Variants in SDK1 observed in about 807,000 individuals in gnomAD.
SDK1 encodes sidekick cell adhesion molecule 1, also known as protein sidekick-1.
SDK1 carries 157 observed loss-of-function variants against 245.5 expected under a neutral mutation model. That is an observed-to-expected ratio of 0.64 (90% CI 0.56 to 0.73). The LOEUF (loss-of-function observed/expected upper bound fraction) is 0.73. SDK1 is among the 30% of genes least tolerant of loss of function. The pLI, the probability that SDK1 is intolerant of heterozygous loss-of-function variation, is 0.00. For synonymous variants in SDK1, 1,647 were observed against 1,278.5 expected (o/e 1.29, Z -6.15); for missense variants, 3,583 against 3,002.3 (o/e 1.19, Z -4.52).
chr7:3,709,560 G>A (rs537688805), intron 4 of SDK1, among the ~76,000 whole-genome samples: 2 of 152,266 alleles, frequency 1.3e-5, no homozygotes, highest in South Asian at 2.1e-4. Flanking sequence ...CTTTCAAAGG[G>A]TCTGTGGTTT....
intron 4 of SDK1, among the ~76,000 whole-genome samples, chr7:3,756,072 C>T (rs989715987): frequency 1.3e-5 from 2 of 150,676 alleles, no homozygotes; most frequent in East Asian, 3.9e-4. Flanking sequence ...AATCTGACTC[C>T]TTTCACATGG....
At chr7:3,439,166 A>C (rs1780120917) in intron 1 of SDK1, among the ~76,000 whole-genome samples, 1 of 152,044 alleles carries the variant, frequency 6.6e-6, no homozygotes, top group African/African-American at 2.4e-5. Context: ...CTTTCTATTA[A>C]TTATCCAACA....
At chr7:3,545,679 T>C (rs1779200560) in intron 1 of SDK1, among the ~76,000 whole-genome samples, 1 of 152,212 alleles carries the variant, frequency 6.6e-6, no homozygotes, top group Admixed American at 6.5e-5. Context: ...TCTGGCTGGT[T>C]CAGCATTTTA....
At chr7:4,066,397 T>G (rs540522490) in intron 19 of SDK1, among the ~76,000 whole-genome samples, 1 of 152,308 alleles carries the variant, frequency 6.6e-6, no homozygotes, top group Non-Finnish European at 1.5e-5. Context: ...GGTGCCTGAC[T>G]TAGGGAATGG....
chr7:4,073,517 A>G (rs1272343968), intron 20 of SDK1, among the ~76,000 whole-genome samples: 1 of 152,238 alleles, frequency 6.6e-6, no homozygotes, highest in Admixed American at 6.5e-5. Flanking sequence ...TCGACATGAC[A>G]AACATGACGC....
intron 1 of SDK1, among the ~76,000 whole-genome samples, chr7:3,352,275 A>G (rs1397180819): frequency 2.0e-5 from 3 of 150,598 alleles, no homozygotes; most frequent in Admixed American, 2.0e-4. Flanking sequence ...TTTTTTTTTG[A>G]TGTCCAAATA....
intron 1 of SDK1, among the ~76,000 whole-genome samples, chr7:3,585,966 C>G (rs1780675181): frequency 6.6e-6 from 1 of 152,164 alleles, no homozygotes; most frequent in Admixed American, 6.5e-5. Flanking sequence ...TTTGTTTCAG[C>G]AAAACACTAA....
chr7:4,214,137 A>T (rs1408668575), intron 38 of SDK1, among the ~76,000 whole-genome samples: 1 of 152,048 alleles, frequency 6.6e-6, no homozygotes, highest in African/African-American at 2.4e-5. Context: ...AATAATGACG[A>T]GGGTTGGGAT....
rs370517337 is a variant in SDK1 at position 4,241,767 on chromosome 7, G to T, written c.6131-26G>T. On this transcript the variant is annotated intron_variant, in intron 42 of 44. Coordinates refer to ENST00000404826, the MANE Select transcript of SDK1 (RefSeq NM_152744.4). The stretch of plus-strand genomic sequence containing the variant: ...CGGTGGCCACACCAGTAACACGTCT[G>T]TTCTCACTCTCCTGCTGGGCTTTAG... 4 of 1,613,758 alleles carry T rather than the reference G, an allele frequency of 2.5e-6. No homozygotes were observed. The African/African-American group carries it at 4.0e-5, about 16-fold the overall frequency.
intron 1 of SDK1, among the ~76,000 whole-genome samples, chr7:3,513,360 G>C (rs965715766): frequency 2.0e-4 from 30 of 152,136 alleles, no homozygotes; most frequent in Admixed American, 5.9e-4. Context: ...TTAAATTTCG[G>C]TTATTCTCAA....
At chr7:4,063,519 A>G (rs1224997423) in intron 19 of SDK1, among the ~76,000 whole-genome samples, 1 of 151,858 alleles carries the variant, frequency 6.6e-6, no homozygotes, top group African/African-American at 2.4e-5. Flanking sequence ...CATTATTAAA[A>G]TGACCATACT....
chr7:3,722,975 T>A (rs1446881030), intron 4 of SDK1, among the ~76,000 whole-genome samples: 1 of 152,230 alleles, frequency 6.6e-6, no homozygotes, highest in East Asian at 1.9e-4. Context: ...TGTTTTAAAC[T>A]TCACATTACT....
In SDK1 at chr7:4,077,006, A is replaced by G; in HGVS notation, c.3019A>G (p.Ile1007Val). ...EKNGIITGYQ[I>V]SWEVYGRNDS... ...GTCCTGTTGCTTTCTAGGCTATCAG[A>G]TCTCTTGGGAAGTGTACGGCAGGAA... The change falls in exon 21 of 45, where the codon ATC (isoleucine) becomes GTC (valine). Residue 1007 changes from isoleucine to valine, a missense_variant. Physicochemically the swap from Ile to Val is conservative, Grantham distance 29. Coordinates refer to ENST00000404826, the MANE Select transcript of SDK1 (RefSeq NM_152744.4). 1 of 1,613,964 alleles carries G rather than the reference A, an allele frequency of 6.2e-7. No individual in the cohort carries two copies. Among genetic ancestry groups the G allele is most frequent in the East Asian group, 2.2e-5 (1 of 44,864 alleles).
At chr7:3,429,950 C>T (rs1458234527) in intron 1 of SDK1, among the ~76,000 whole-genome samples, 1 of 152,174 alleles carries the variant, frequency 6.6e-6, no homozygotes, top group Non-Finnish European at 1.5e-5. Context: ...AAAGCCTATC[C>T]GTATGTGTCT....
chr7:3,444,720 C>A (rs956687614), intron 1 of SDK1, among the ~76,000 whole-genome samples: 1 of 152,268 alleles, frequency 6.6e-6, no homozygotes, highest in Middle Eastern at 3.4e-3. Context: ...TTTCAGTAGG[C>A]CAGTCCCCAG....
intron 5 of SDK1, among the ~76,000 whole-genome samples, chr7:3,909,257 G>C (rs2128108086): frequency 6.6e-6 from 1 of 152,208 alleles, no homozygotes; most frequent in East Asian, 1.9e-4. Context: ...GTTCAGCTCT[G>C]CTCTCCAGCA....
intron 32 of SDK1, among the ~76,000 whole-genome samples, chr7:4,170,053 A>G (rs1206366175): frequency 2.6e-5 from 4 of 152,102 alleles, no homozygotes; most frequent in Non-Finnish European, 5.9e-5. Context: ...GACTTTTCCA[A>G]CTTTTCCATC....
chr7:3,884,946 A>C (rs943013429), intron 5 of SDK1, among the ~76,000 whole-genome samples: 2 of 151,974 alleles, frequency 1.3e-5, no homozygotes, highest in African/African-American at 4.8e-5. Flanking sequence ...AAGCGCTGTC[A>C]CTCCAGAGCG....
intron 19 of SDK1, among the ~76,000 whole-genome samples, chr7:4,054,422 C>T (rs185053573): frequency 1.3e-5 from 2 of 152,246 alleles, no homozygotes; most frequent in Non-Finnish European, 2.9e-5. Context: ...TTGGGTTTCT[C>T]CAGTTTTGTT....
Sources: allele counts gnomAD v4.1 joint callset (sites outside exome capture counted in the v4.1 genomes callset), GRCh38; gene constraint gnomAD v4.1.1; transcripts MANE v1.5; gene names NCBI Gene and HGNC (gene_info 2026-07-23, HGNC 2026-07-21).